KLHL4: variants seen among roughly 807,000 people sequenced by gnomAD.
The protein encoded by KLHL4 is kelch-like protein 4.
In KLHL4, 17 loss-of-function variants were observed where a neutral mutation model predicts 45.8. That is an observed-to-expected ratio of 0.37 (90% CI 0.25 to 0.56). The LOEUF is 0.56. Among genes scored for constraint, KLHL4 ranks in the 20% least tolerant of loss-of-function variants. KLHL4 has a pLI of 0.79. For missense variants in KLHL4, 544 were observed against 544.9 expected, an observed-to-expected ratio of 1.00 and a Z score of 0.02; for synonymous variants, 224 against 189.9, an observed-to-expected ratio of 1.18 and a Z score of -1.47.
Position 87,517,844 on chromosome X carries a change from G to C in KLHL4, c.-50G>C, listed in dbSNP as rs1435032968. On this transcript the variant is annotated 5_prime_UTR_variant, in exon 1 of 11. Coordinates refer to ENST00000373119, the MANE Select transcript of KLHL4 (RefSeq NM_019117.5). ...GGCAGAAAAACAAGAGATAACAAAG[G>C]CTCCGTTTCCTTTCTGTGAGAGAAG... 1 of 1,126,875 alleles carries C rather than the reference G, an allele frequency of 8.9e-7. No homozygotes were observed. Among genetic ancestry groups the C allele is most frequent in the Non-Finnish European group, 1.2e-6 (1 of 842,861 alleles). The allele number at this position is 1,126,875 out of a possible 1,213,427, so 92.9% of individuals were successfully genotyped here.
At position 87,632,340 on chromosome X, in the gene KLHL4, C is replaced by T. The variant is rs746077135; in HGVS notation, c.1455C>T (p.Asp485=). ...DNKLYVVGGR[D]GLKTLNTVEC... Reference sequence around the variant, plus strand: ...AGCTCTATGTCGTGGGAGGAAGAGACGGTTTAAAAACTTTGAATACAGTGG... The same window carrying T: ...AGCTCTATGTCGTGGGAGGAAGAGATGGTTTAAAAACTTTGAATACAGTGG... The change falls in exon 7 of 11, where the codon GAC becomes GAT. Residue 485 remains aspartate (D), a synonymous_variant. Transcript: ENST00000373119. The T allele has an allele frequency of 2.5e-6, 3 of 1,209,423 alleles. No individual in the cohort carries two copies. Among genetic ancestry groups the T allele is most frequent in the South Asian group, 1.8e-5 (1 of 56,870 alleles).
At chrX:87,616,355 T>G (rs112109515) in intron 3 of KLHL4, among the ~76,000 whole-genome samples, 1,421 of 111,766 alleles carry the variant, frequency 0.013, 10 homozygotes, top group Non-Finnish European at 0.02. Flanking sequence ...TTCACCTTTC[T>G]CCTGACAAGC....
At chrX:87,551,406 C>G (rs1175851796) in intron 1 of KLHL4, among the ~76,000 whole-genome samples, 1 of 110,957 alleles carries the variant, frequency 9.0e-6, no homozygotes, top group East Asian at 2.8e-4. Context: ...ATAAATATTG[C>G]AAAAATGACC....
intron 1 of KLHL4, among the ~76,000 whole-genome samples, chrX:87,528,994 T>C (rs1244120792): frequency 1.8e-5 from 2 of 110,597 alleles, no homozygotes; most frequent in African/African-American, 6.6e-5. Context: ...CATTGGACTT[T>C]CAGCAGATTT....
intron 9 of KLHL4, among the ~76,000 whole-genome samples, chrX:87,645,965 T>G (rs1305227684): frequency 9.0e-6 from 1 of 110,726 alleles, no homozygotes; most frequent in Non-Finnish European, 1.9e-5. Context: ...ACTACTTGGG[T>G]GATGGGTGCA....
chrX:87,521,863 G>A (rs754517040), intron 1 of KLHL4, among the ~76,000 whole-genome samples: 146 of 112,546 alleles, frequency 1.3e-3, no homozygotes, highest in African/African-American at 4.3e-3. Flanking sequence ...GATCACATGT[G>A]TGGTCCATGA....
At chrX:87,522,637 A>G (rs994198102) in intron 1 of KLHL4, among the ~76,000 whole-genome samples, 1 of 112,518 alleles carries the variant, frequency 8.9e-6, no homozygotes, top group Non-Finnish European at 1.9e-5. Context: ...TGAGAAATGA[A>G]CTACAATTAT....
At chrX:87,664,653 AGT>A (rs1924305571) in intron 9 of KLHL4, 109 bp from the exon 10 acceptor site, 1 of 492,939 alleles carries the variant, frequency 2.0e-6, no homozygotes. Flanking sequence ...ATATTTGTAT[AGT>A]GTTTTTAATC....
At chrX:87,539,264 T>C (rs181715745) in intron 1 of KLHL4, among the ~76,000 whole-genome samples, 10 of 111,246 alleles carry the variant, frequency 9.0e-5, no homozygotes, top group African/African-American at 2.6e-4. Flanking sequence ...TGCTGCACTT[T>C]ATGAGATGTG....
chrX:87,551,612 A>AGATAGATAG (rs1931825140), intron 1 of KLHL4, among the ~76,000 whole-genome samples: 1 of 72,279 alleles, frequency 1.4e-5, no homozygotes, highest in Non-Finnish European at 2.5e-5. Flanking sequence ...GATAGATAGA[A>AGATAGATAG]ATAGAAATCT....
intron 9 of KLHL4, among the ~76,000 whole-genome samples, chrX:87,657,765 C>T (rs1364595967): frequency 9.0e-6 from 1 of 111,372 alleles, no homozygotes; most frequent in Non-Finnish European, 1.9e-5. Context: ...GTGGAACTCC[C>T]AGGGGTTCTG....
intron 1 of KLHL4, among the ~76,000 whole-genome samples, chrX:87,556,381 A>G (rs1313548664): frequency 4.6e-5 from 5 of 109,636 alleles, no homozygotes; most frequent in Non-Finnish European, 1.9e-5. Flanking sequence ...AGGGACATGG[A>G]TGAAATTGGA....
chrX:87,655,737 A>G (rs920408586), intron 9 of KLHL4, among the ~76,000 whole-genome samples: 1 of 111,657 alleles, frequency 9.0e-6, no homozygotes, highest in African/African-American at 3.3e-5. Context: ...ATTGTTATAT[A>G]GCTACTTTGT....
At chrX:87,640,532 T>G (rs774342588) in intron 9 of KLHL4, among the ~76,000 whole-genome samples, 1 of 112,160 alleles carries the variant, frequency 8.9e-6, no homozygotes, top group Admixed American at 9.4e-5. Flanking sequence ...AGGGATTGTT[T>G]AACATCCACA....
At chrX:87,642,069 T>A (rs1296123106) in intron 9 of KLHL4, among the ~76,000 whole-genome samples, 1 of 110,951 alleles carries the variant, frequency 9.0e-6, no homozygotes, top group Non-Finnish European at 1.9e-5. Context: ...TGCCACCTCC[T>A]GGCAGGAGGC....
chrX:87,666,520 G>T lies in KLHL4; in HGVS notation c.2143G>T (p.Val715Leu), dbSNP rs1200839827. The T allele has an allele frequency of 8.4e-7, 1 of 1,197,163 alleles. No individual in the cohort carries two copies. Among genetic ancestry groups the T allele is most frequent in the Non-Finnish European group, 1.1e-6 (1 of 886,324 alleles). The change falls in exon 11 of 11, where the codon GTG (valine) becomes TTG (leucine). Residue 715 changes from valine (V) to leucine (L), a missense_variant. Physicochemically the swap from Val to Leu is conservative, Grantham distance 32. Coordinates refer to ENST00000373119, the MANE Select transcript of KLHL4 (RefSeq NM_019117.5). ...IGRAGACVVV[V>L]KLP The stretch of plus-strand genomic sequence containing the variant: ...AAGAGCTGGTGCATGTGTTGTAGTG[G>T]TGAAGCTACCCTAAAGCTATCTATC...
At chrX:87,655,722 TATTA>T (rs1461025863) in intron 9 of KLHL4, among the ~76,000 whole-genome samples, 1 of 111,783 alleles carries the variant, frequency 8.9e-6, no homozygotes, top group Non-Finnish European at 1.9e-5. Flanking sequence ...CCTGTCATAA[TATTA>T]ATTGTTATAT....
intron 9 of KLHL4, among the ~76,000 whole-genome samples, chrX:87,660,932 T>C (rs1274721835): frequency 6.2e-5 from 7 of 112,369 alleles, no homozygotes; most frequent in African/African-American, 1.6e-4. Flanking sequence ...AAGATTGATA[T>C]GGAAAACCCA....
intron 9 of KLHL4, among the ~76,000 whole-genome samples, chrX:87,663,892 G>A (rs762858615): frequency 1.8e-5 from 2 of 111,528 alleles, no homozygotes; most frequent in African/African-American, 6.5e-5. Context: ...GGTCAGAGGG[G>A]GTAATACAAA....
Sources: gnomAD v4.1 joint callset for allele counts (sites outside exome capture counted in the v4.1 genomes callset) on GRCh38, gnomAD v4.1.1 for gene constraint, MANE v1.5 for transcripts, NCBI Gene and HGNC (gene_info 2026-07-23, HGNC 2026-07-21) for gene names.